CDK5RAP1: variants seen among roughly 807,000 people sequenced by gnomAD.
The protein encoded by CDK5RAP1 is CDK5RAP1 mitochondrial tRNA methylthiotransferase.
Under a neutral mutation model 64.5 loss-of-function variants are expected in CDK5RAP1, and 62 were observed. That is an observed-to-expected ratio of 0.96 (90% CI 0.78 to 1.19). The LOEUF is 1.19. CDK5RAP1 is among the 50% of genes most tolerant of loss of function. CDK5RAP1 has a pLI of 0.00. For synonymous variants in CDK5RAP1, 250 were observed against 261.9 expected, an observed-to-expected ratio of 0.95 and a Z score of 0.44; for missense variants, 657 against 735.0, an observed-to-expected ratio of 0.89 and a Z score of 1.23.
chr20:33,387,117 A>T (rs1324539823), intron 6 of CDK5RAP1, among the ~76,000 whole-genome samples: 3 of 152,012 alleles, frequency 2.0e-5, no homozygotes, highest in Non-Finnish European at 4.4e-5. Flanking sequence ...TCAAAAAAAA[A>T]TTAGCCAGGT....
Position 33,387,416 on chromosome 20 carries a change from C to T in CDK5RAP1, c.662G>A (p.Gly221Asp), listed in dbSNP as rs139134462. Residue 221 changes from glycine (G) to aspartate (D), a missense_variant, in exon 6 of 14, where the codon GGC becomes GAC. Transcript: ENST00000346416. ...GAGCAGCACGTTGGCAGCTTGCTGG[C>T]CCGACTCAGCAACAGCCAGCAGCCG... ...LPRLLAVAES[G>D]QQAANVLLSL... is the part of the protein sequence containing the mutation. 1.2e-5 allele frequency: 19 copies of T among 1,614,132 alleles called. No homozygotes were observed. In the African/African-American group the frequency reaches 1.9e-4, roughly 16 times the overall value.
chr20:33,372,781 C>A, intron 9 of CDK5RAP1, 84 bp from the exon 10 acceptor site: 1 of 898,180 alleles, frequency 1.1e-6, no homozygotes, highest in Non-Finnish European at 1.8e-6. Flanking sequence ...CTATGAATTT[C>A]CACATGTAAT....
At chr20:33,375,853 ATTATAT>A (rs751693658) in intron 8 of CDK5RAP1, among the ~76,000 whole-genome samples, 1 of 152,144 alleles carries the variant, frequency 6.6e-6, no homozygotes, top group Non-Finnish European at 1.5e-5. Context: ...CCTTAATTTC[ATTATAT>A]TTATATTTTT....
intron 3 of CDK5RAP1, among the ~76,000 whole-genome samples, chr20:33,394,647 AT>A (rs963160670): frequency 4.0e-5 from 6 of 151,886 alleles, no homozygotes; most frequent in African/African-American, 1.5e-4. Flanking sequence ...ACACCTGGAC[AT>A]TTTAACCATT....
In CDK5RAP1 at chr20:33,396,819, T is replaced by G. The variant is rs202167491; in HGVS notation, c.246A>C (p.Glu82Asp). Residue 82 changes from glutamate to aspartate, a missense_variant, in exon 2 of 14, where the codon GAA becomes GAC. By Grantham distance (45) the Glu-to-Asp change is conservative. Transcript: ENST00000346416. ...TGAGATAGGGAGGTGGGTCTTCCAC[T>G]TCTGAAGACAGCTTCTCCTGAGGAG... ...ASAPQEKLSSEVEDPPPYLMM... is the reference protein window; with the variant it reads ...ASAPQEKLSSDVEDPPPYLMM... 11 of 1,614,114 alleles carry G rather than the reference T, an allele frequency of 6.8e-6. No individual in the cohort carries two copies. The Middle Eastern group carries it at 8.3e-4, about 122-fold the overall frequency.
In CDK5RAP1 at chr20:33,365,148, G is replaced by C. The variant is rs564614106; in HGVS notation, c.1542+1711C>G. 2.0e-5 allele frequency among the ~76,000 whole-genome samples: 3 copies of C among 152,088 alleles called. No individual in the cohort carries two copies. The South Asian group carries it at 6.2e-4, about 32-fold the overall frequency. On this transcript the variant is annotated intron_variant, in intron 12 of 13. Transcript: ENST00000346416. The stretch of plus-strand genomic sequence containing the variant: ...TGGGCTCACGCAATCCTCCAGCCTT[G>C]GCCTTCCAAAGTGCTAGGATCACAG...
At position 33,371,585 on chromosome 20, in the gene CDK5RAP1, C is replaced by T. The variant is rs180954062; in HGVS notation, c.1262-956G>A. On this transcript the variant is annotated intron_variant, in intron 10 of 13. Coordinates refer to ENST00000346416, the MANE Select transcript of CDK5RAP1 (RefSeq NM_016408.4). ...GGCAGATCACTTGAGGTCAGGAGTTCGGGACCAGCCTGGACAACATGGTGA... is the reference window on the plus strand; with the variant it reads ...GGCAGATCACTTGAGGTCAGGAGTTTGGGACCAGCCTGGACAACATGGTGA... 2.7e-3 allele frequency among the ~76,000 whole-genome samples: 417 copies of T among 152,160 alleles called. 1 individual carries two copies. The highest frequency in any genetic ancestry group is 9.5e-3 in the African/African-American group (393 of 41,532).
chr20:33,375,434 G>GAA, intron 8 of CDK5RAP1, among the ~76,000 whole-genome samples: 1 of 149,644 alleles, frequency 6.7e-6, no homozygotes, highest in African/African-American at 2.5e-5. Context: ...GAAAAGAAAA[G>GAA]AAAACATAAA....
intron 7 of CDK5RAP1, among the ~76,000 whole-genome samples, chr20:33,384,755 C>A (rs1027837194): frequency 3.9e-5 from 6 of 151,994 alleles, no homozygotes; most frequent in Non-Finnish European, 8.8e-5. Context: ...TTAAAAAATT[C>A]ACTGGGCGTG....
In CDK5RAP1 at chr20:33,379,636, G is replaced by A. The variant is rs757422584; in HGVS notation, c.932C>T (p.Ser311Leu). 6.2e-6 allele frequency: 10 copies of A among 1,614,016 alleles called. No individual in the cohort carries two copies. Among genetic ancestry groups the A allele is most frequent in the East Asian group, 2.2e-5 (1 of 44,866 alleles). ...GQNVNSFRDN[S>L]EVQFNSAVPT... ...CACTGCACTGTTGAACTGGACCTCC[G>A]AATTGTCCCGAAAACTATTAACATT... Residue 311 changes from serine to leucine, a missense_variant, in exon 8 of 14, where the codon TCG (serine) becomes TTG (leucine). Ser to Leu is a moderately radical substitution (Grantham distance 145). Transcript: ENST00000346416.
At position 33,396,975 on chromosome 20, in the gene CDK5RAP1, G is replaced by A. The variant is rs80138395; in HGVS notation, c.90C>T (p.Cys30=). The A allele has an allele frequency of 1.4e-3, 2,293 of 1,614,098 alleles. 26 individuals are homozygous for A. In the African/African-American group the frequency reaches 0.027, roughly 19 times the overall value. The change falls in exon 2 of 14, where the codon TGC becomes TGT. Residue 30 remains cysteine, a synonymous_variant. Transcript: ENST00000346416. ...ASVSWLSLRM[C]RAHSSLSSTM... ...TACTAGAGAGACTGCTGTGTGCCCT[G>A]CACATCCTCAGCGACAGCCAAGACA...
At chr20:33,384,573 G>C (rs1053263679) in intron 7 of CDK5RAP1, among the ~76,000 whole-genome samples, 1 of 152,158 alleles carries the variant, frequency 6.6e-6, no homozygotes, top group Non-Finnish European at 1.5e-5. Context: ...AGCACTGCCA[G>C]AATGTGAGGA....
chr20:33,375,192 A>G (rs1179120447), intron 8 of CDK5RAP1, among the ~76,000 whole-genome samples: 1 of 151,852 alleles, frequency 6.6e-6, no homozygotes, highest in African/African-American at 2.4e-5. Flanking sequence ...ATTTGAGGTC[A>G]GCAGTTCGAG....
chr20:33,392,056 A>T, intron 5 of CDK5RAP1, 86 bp downstream of exon 5: 2 of 804,544 alleles, frequency 2.5e-6, no homozygotes, highest in Non-Finnish European at 4.2e-6. Flanking sequence ...GACACTGGGA[A>T]TCCAGCCTCT....
chr20:33,368,231 A>C (rs1440115741), intron 11 of CDK5RAP1, among the ~76,000 whole-genome samples: 2 of 152,110 alleles, frequency 1.3e-5, no homozygotes, highest in East Asian at 3.9e-4. Context: ...CAAAGTGAAC[A>C]TTCATATTCA....
At chr20:33,391,273 G>A (rs944950990) in intron 5 of CDK5RAP1, among the ~76,000 whole-genome samples, 2 of 109,414 alleles carry the variant, frequency 1.8e-5, no homozygotes, top group South Asian at 3.2e-4. Flanking sequence ...AAAAAAAAAA[G>A]GATGACAGAG....
chr20:33,393,028 C>T (rs1213308195), intron 4 of CDK5RAP1, among the ~76,000 whole-genome samples: 2 of 151,918 alleles, frequency 1.3e-5, no homozygotes, highest in African/African-American at 2.4e-5. Flanking sequence ...TACAGGCGTG[C>T]ACCACCACGC....
Position 33,394,044 on chromosome 20 carries a change from G to C in CDK5RAP1, c.431C>G (p.Thr144Arg). ...LQEADVILLV[T>R]CSIREKAEQT... Reference sequence around the variant, plus strand: ...AACAAATTCGCACCTGATAGAGCATGTGACAAGGAGAATCACATCTGCCTG... The same window carrying C: ...AACAAATTCGCACCTGATAGAGCATCTGACAAGGAGAATCACATCTGCCTG... The change falls in exon 4 of 14, where the codon ACA (threonine) becomes AGA (arginine). Residue 144 changes from threonine to arginine, a missense_variant. By Grantham distance (71) the Thr-to-Arg change is moderately conservative (BLOSUM62 -1). Coordinates refer to ENST00000346416, the MANE Select transcript of CDK5RAP1 (RefSeq NM_016408.4). 6.3e-7 allele frequency: 1 copy of C among 1,594,810 alleles called. No individual in the cohort carries two copies. Among genetic ancestry groups the C allele is most frequent in the Non-Finnish European group, 8.6e-7 (1 of 1,162,352 alleles).
rs567143785 is a variant in CDK5RAP1, at chr20:33,360,562, C to T, written c.1543-71G>A. On this transcript the variant is annotated intron_variant, in intron 12 of 13. Transcript: ENST00000346416. ...AGTTCTTGGAGGGTAGAAACTGTGCCTTCTCTGTCTCGGATCCCCAAGAGT... is the reference window on the plus strand; with the variant it reads ...AGTTCTTGGAGGGTAGAAACTGTGCTTTCTCTGTCTCGGATCCCCAAGAGT... 1.8e-5 allele frequency: 25 copies of T among 1,400,988 alleles called. No individual in the cohort carries two copies. The African/African-American group carries it at 3.2e-4, about 18-fold the overall frequency. 86.8% of individuals were successfully genotyped at this position (1,400,988 alleles called of 1,614,324 possible). A position where few individuals can be genotyped will look rare whatever the true frequency, so the allele number is the denominator to read the frequency against.
Sources: allele counts gnomAD v4.1 joint callset (sites outside exome capture counted in the v4.1 genomes callset), GRCh38; gene constraint gnomAD v4.1.1; transcripts MANE v1.5; gene names NCBI Gene and HGNC (gene_info 2026-07-23, HGNC 2026-07-21).